The following CPEB3 variants were observed in gnomAD, a reference collection of about 807,000 sequenced individuals.
CPEB3 encodes cytoplasmic polyadenylation element-binding protein 3.
A neutral mutation model predicts 67.2 loss-of-function variants in CPEB3; 20 were observed. That is an observed-to-expected ratio of 0.30 (90% confidence interval 0.21 to 0.43). The LOEUF is 0.43. Ranked by LOEUF, CPEB3 falls within the 20% of genes least tolerant of loss-of-function variation. The pLI, the probability that CPEB3 is intolerant of heterozygous loss-of-function variation, is 1.00. For missense variants in CPEB3, 746 were observed against 968.6 expected, an observed-to-expected ratio of 0.77 and a Z score of 3.05; for synonymous variants, 376 against 393.1, an observed-to-expected ratio of 0.96 and a Z score of 0.51.
At chr10:92,192,731 T>A in intron 2 of CPEB3, 95 bp from the exon 3 acceptor site, 3 of 916,768 alleles carry the variant, frequency 3.3e-6, no homozygotes. Flanking sequence ...ATGACATGAA[T>A]GAAAGTTACA....
At chr10:92,244,346 C>CA (rs1249850464) in intron 1 of CPEB3, among the ~76,000 whole-genome samples, 134 of 136,158 alleles carry the variant, frequency 9.8e-4, no homozygotes, top group Admixed American at 2.6e-3. Context: ...GACCCTGTCT[C>CA]AAAAAAAAAA....
chr10:92,287,422 T>C (rs1028159179), intron 1 of CPEB3, among the ~76,000 whole-genome samples: 6 of 152,208 alleles, frequency 3.9e-5, no homozygotes, highest in Admixed American at 2.6e-4. Context: ...CTGAGTCTTA[T>C]TGGAAAATGT....
intron 2 of CPEB3, among the ~76,000 whole-genome samples, chr10:92,195,680 T>G (rs1849207440): frequency 6.6e-6 from 1 of 152,204 alleles, no homozygotes; most frequent in African/African-American, 2.4e-5. Context: ...GTAAGGGAAC[T>G]ATAAGAAAAC....
intron 1 of CPEB3, among the ~76,000 whole-genome samples, chr10:92,256,258 T>C (rs1408587016): frequency 3.9e-5 from 6 of 152,172 alleles, no homozygotes; most frequent in Admixed American, 6.6e-5. Context: ...GTCTCTCATC[T>C]AGTATTCTTC....
chr10:92,191,095 CT>C (rs1564851391), intron 3 of CPEB3, among the ~76,000 whole-genome samples: 2 of 152,070 alleles, frequency 1.3e-5, no homozygotes, highest in East Asian at 1.9e-4. Context: ...AAGTCAAAAA[CT>C]TTTTTTTAAT....
chr10:92,282,662 G>GTGACAGGCAGAGGA (rs2135089847), intron 1 of CPEB3, among the ~76,000 whole-genome samples: 1 of 152,062 alleles, frequency 6.6e-6, no homozygotes, highest in East Asian at 1.9e-4. Flanking sequence ...TCCAGCCTGG[G>GTGACAGGCAGAGGA]TGACAGAGCA....
At chr10:92,209,941 C>CA (rs768962869) in intron 2 of CPEB3, among the ~76,000 whole-genome samples, 1,216 of 58,734 alleles carry the variant, frequency 0.021, 52 homozygotes, top group Admixed American at 0.059. Context: ...GGCTCTGTCT[C>CA]AAAAAAAAAA....
intron 2 of CPEB3, among the ~76,000 whole-genome samples, chr10:92,196,795 T>G (rs7071943): frequency 0.73 from 110,454 of 150,624 alleles, 41,925 homozygotes; most frequent in African/African-American, 0.93. Flanking sequence ...AGCCAGGCAT[T>G]GTGGCAGGTG....
intron 6 of CPEB3, 61 bp downstream of exon 6, chr10:92,142,968 T>A: frequency 8.3e-7 from 1 of 1,203,844 alleles, no homozygotes; most frequent in Non-Finnish European, 1.2e-6. Flanking sequence ...GGCTGCCTTT[T>A]ATTGAACTGT....
At chr10:92,096,418 G>C (rs577828987) in intron 7 of CPEB3, among the ~76,000 whole-genome samples, 1 of 152,186 alleles carries the variant, frequency 6.6e-6, no homozygotes, top group South Asian at 2.1e-4. Context: ...AGGAACAACT[G>C]TATAGGGCTA....
At chr10:92,144,298 G>T (rs571312024) in intron 5 of CPEB3, among the ~76,000 whole-genome samples, 1 of 152,134 alleles carries the variant, frequency 6.6e-6, no homozygotes, top group East Asian at 1.9e-4. Flanking sequence ...ATGAGACAGG[G>T]TCTCACTCTG....
intron 7 of CPEB3, among the ~76,000 whole-genome samples, chr10:92,102,774 C>A (rs577754844): frequency 6.6e-6 from 1 of 152,324 alleles, no homozygotes; most frequent in African/African-American, 2.4e-5. Context: ...GCCTCAGAAA[C>A]ATCTGCGTAC....
intron 4 of CPEB3, among the ~76,000 whole-genome samples, chr10:92,175,269 T>G (rs891500713): frequency 2.0e-5 from 3 of 151,426 alleles, no homozygotes; most frequent in Non-Finnish European, 2.9e-5. Context: ...GCTTTTTAAC[T>G]TAGCATAATT....
intron 1 of CPEB3, among the ~76,000 whole-genome samples, chr10:92,241,058 TA>T: frequency 6.6e-6 from 1 of 151,926 alleles, no homozygotes; most frequent in East Asian, 1.9e-4. Flanking sequence ...CAGTTAATTT[TA>T]AAAAAAACGT....
In CPEB3 at chr10:92,064,172, G is replaced by A. The variant is rs138262968; in HGVS notation, c.1870-11733C>T. Reference sequence around the variant, plus strand: ...TAAGAAGGAAAACAATGAACTTGAGGTCATGGGTGTGAAGGGCAGAAGAGA... The same window carrying A: ...TAAGAAGGAAAACAATGAACTTGAGATCATGGGTGTGAAGGGCAGAAGAGA... On this transcript the variant is annotated intron_variant, in intron 9 of 9. Coordinates refer to ENST00000265997, the MANE Select transcript of CPEB3 (RefSeq NM_014912.5). 2.0e-4 allele frequency among the ~76,000 whole-genome samples: 30 copies of A among 152,296 alleles called. No homozygotes were observed. The East Asian group carries it at 5.6e-3, about 28-fold the overall frequency.
chr10:92,283,195 G>T (rs1395808590), intron 1 of CPEB3, among the ~76,000 whole-genome samples: 1 of 152,076 alleles, frequency 6.6e-6, no homozygotes, highest in African/African-American at 2.4e-5. Context: ...AGGCCACAGT[G>T]AGCCATGATT....
intron 2 of CPEB3, among the ~76,000 whole-genome samples, chr10:92,215,817 C>T (rs1379578132): frequency 1.9e-4 from 26 of 136,452 alleles, no homozygotes; most frequent in African/African-American, 7.1e-4. Context: ...GGCACGATCT[C>T]GGCTCACTGC....
chr10:92,061,435 A>C (rs201275249), intron 9 of CPEB3, among the ~76,000 whole-genome samples: 37,985 of 148,260 alleles, frequency 0.26, 6,269 homozygotes, highest in Admixed American at 0.36. Flanking sequence ...AAAAAAAAAA[A>C]AAAAAAAACA....
intron 1 of CPEB3, among the ~76,000 whole-genome samples, chr10:92,279,770 G>A (rs1842172927): frequency 6.6e-6 from 1 of 152,212 alleles, no homozygotes; most frequent in Non-Finnish European, 1.5e-5. Context: ...GGGAGGCCAA[G>A]ATGGGTGGAT....
Sources: gnomAD v4.1 joint callset for allele counts (sites outside exome capture counted in the v4.1 genomes callset) on GRCh38, gnomAD v4.1.1 for gene constraint, MANE v1.5 for transcripts, NCBI Gene and HGNC (gene_info 2026-07-23, HGNC 2026-07-21) for gene names.